The following CEP85L variants were observed in gnomAD, a reference collection of about 807,000 sequenced individuals.
CEP85L encodes centrosomal protein of 85 kDa-like.
Under a neutral mutation model 100.3 loss-of-function variants are expected in CEP85L, and 60 were observed. That is an observed-to-expected ratio of 0.60 (90% confidence interval 0.49 to 0.74). CEP85L has a LOEUF of 0.74. Among genes scored for constraint, CEP85L ranks in the 30% least tolerant of loss-of-function variants. CEP85L has a pLI of 0.00. For synonymous variants in CEP85L, 319 were observed against 322.7 expected (o/e 0.99, Z 0.12); for missense variants, 973 against 936.2 (o/e 1.04, Z -0.51).
chr6:118,592,597 C>T (rs890763849), intron 2 of CEP85L, among the ~76,000 whole-genome samples: 2 of 152,008 alleles, frequency 1.3e-5, no homozygotes, highest in Non-Finnish European at 2.9e-5. Context: ...AATGAATTGA[C>T]TGTTAATAAA....
intron 1 of CEP85L, among the ~76,000 whole-genome samples, chr6:118,690,434 G>A (rs62423994): frequency 0.22 from 33,856 of 151,968 alleles, 4,836 homozygotes; most frequent in Non-Finnish European, 0.32. Flanking sequence ...CTCCCTGGCC[G>A]GACTCTGAAT....
At chr6:118,655,669 A>G (rs1775763239), upstream of CEP85L, among the ~76,000 whole-genome samples, 2 of 152,218 alleles carry the variant, frequency 1.3e-5, no homozygotes, top group South Asian at 4.1e-4. Context: ...CCTGGTGGGG[A>G]AGAGGACTGT....
At chr6:118,580,850 C>T (rs1335969310) in intron 2 of CEP85L, among the ~76,000 whole-genome samples, 4 of 152,122 alleles carry the variant, frequency 2.6e-5, no homozygotes, top group African/African-American at 7.2e-5. Flanking sequence ...ATTTAGTAAC[C>T]GGGAGTTTAA....
rs751698371 is a variant in CEP85L at position 118,709,556 on chromosome 6, T to TGTGTGTGTGTGTGTGTGTGTGTGA, written c.-28+479_-28+480insTCACACACACACACACACACACAC. ...GCGTGTGTGTGTGTGTGTGTGTGTG[T>TGTGTGTGTGTGTGTGTGTGTGTGA]GAGAGAGAGAGAGAGAGAGAGAGAG... On this transcript the variant is annotated intron_variant, in intron 1 of 13. Coordinates refer to the CEP85L transcript ENST00000368488. 3.2e-3 allele frequency among the ~76,000 whole-genome samples: 460 copies of TGTGTGTGTGTGTGTGTGTGTGTGA among 142,258 alleles called. 12 individuals are homozygous for TGTGTGTGTGTGTGTGTGTGTGTGA. The highest frequency in any genetic ancestry group is 0.012 in the African/African-American group (419 of 35,524). The allele number at this position is 142,258 out of a possible 152,430, so 93.3% of individuals were successfully genotyped here.
intron 1 of CEP85L, among the ~76,000 whole-genome samples, chr6:118,688,081 G>T (rs986613966): frequency 3.3e-5 from 5 of 152,014 alleles, no homozygotes; most frequent in Admixed American, 1.3e-4. Context: ...TCTTGGAAGC[G>T]GCCCGTCGCC....
chr6:118,635,811 C>T (rs1292129137), intron 1 of CEP85L, among the ~76,000 whole-genome samples: 3 of 152,106 alleles, frequency 2.0e-5, no homozygotes, highest in Non-Finnish European at 4.4e-5. Flanking sequence ...GATTAAAAGG[C>T]AATAATCATT....
intron 4 of CEP85L, among the ~76,000 whole-genome samples, chr6:118,513,943 T>C (rs1022099632): frequency 5.9e-5 from 9 of 152,180 alleles, no homozygotes; most frequent in South Asian, 2.1e-4. Flanking sequence ...TATATCCACG[T>C]TGTATAACCT....
chr6:118,478,870 T>C (rs566268758), intron 10 of CEP85L, among the ~76,000 whole-genome samples: 2 of 152,300 alleles, frequency 1.3e-5, no homozygotes, highest in East Asian at 1.9e-4. Context: ...TGCTAATATA[T>C]ACTGAACACC....
At chr6:118,502,586 T>TG (rs1775377927) in intron 5 of CEP85L, 1 of 477,538 alleles carries the variant, frequency 2.1e-6, no homozygotes, top group South Asian at 2.0e-5. Context: ...GCGCTCCGGT[T>TG]GAAGTTTTTG....
At chr6:118,606,238 C>A (rs1772210738) in intron 2 of CEP85L, among the ~76,000 whole-genome samples, 1 of 152,170 alleles carries the variant, frequency 6.6e-6, no homozygotes, top group Non-Finnish European at 1.5e-5. Context: ...TATTACCTGA[C>A]TTTAGCCTTC....
intron 2 of CEP85L, among the ~76,000 whole-genome samples, chr6:118,580,071 G>T (rs1240567141): frequency 6.6e-6 from 1 of 152,116 alleles, no homozygotes; most frequent in Non-Finnish European, 1.5e-5. Flanking sequence ...CCAATCCCCT[G>T]GACTCTATGC....
At chr6:118,491,196 T>TAC (rs1160030823) in intron 6 of CEP85L, among the ~76,000 whole-genome samples, 5,391 of 116,208 alleles carry the variant, frequency 0.046, 113 homozygotes, top group African/African-American at 0.054. Flanking sequence ...CCAACATCTA[T>TAC]ACACACACAC....
chr6:118,559,008 G>A, intron 3 of CEP85L: 1 of 1,610,204 alleles, frequency 6.2e-7, no homozygotes, highest in Non-Finnish European at 8.5e-7. Context: ...AAAAGCTACA[G>A]AATCTATTTA....
intron 1 of CEP85L, among the ~76,000 whole-genome samples, chr6:118,646,732 T>G (rs1432680392): frequency 1.3e-5 from 2 of 152,222 alleles, no homozygotes; most frequent in Non-Finnish European, 2.9e-5. Flanking sequence ...AATGCAAAAT[T>G]TATGTAATTA....
chr6:118,668,927 C>T (rs1301495401), intron 1 of CEP85L, among the ~76,000 whole-genome samples: 1 of 152,182 alleles, frequency 6.6e-6, no homozygotes, highest in African/African-American at 2.4e-5. Flanking sequence ...GCCCTACATT[C>T]CTCCAAGATA....
At chr6:118,670,047 C>G (rs1187918747) in intron 1 of CEP85L, among the ~76,000 whole-genome samples, 1 of 151,342 alleles carries the variant, frequency 6.6e-6, no homozygotes, top group African/African-American at 2.4e-5. Context: ...GAATTATTCC[C>G]AATTCTTCCC....
intron 1 of CEP85L, among the ~76,000 whole-genome samples, chr6:118,645,787 G>A (rs1414802793): frequency 1.3e-5 from 2 of 152,102 alleles, no homozygotes; most frequent in African/African-American, 4.8e-5. Flanking sequence ...TATCCCCAGA[G>A]GCTTATACAA....
At chr6:118,629,476 C>T (rs1248105065) in intron 2 of CEP85L, among the ~76,000 whole-genome samples, 1 of 152,076 alleles carries the variant, frequency 6.6e-6, no homozygotes, top group Non-Finnish European at 1.5e-5. Context: ...ATTAAAACAA[C>T]AAAATACTAC....
At chr6:118,539,698 A>G (rs985302445) in intron 3 of CEP85L, among the ~76,000 whole-genome samples, 9 of 151,996 alleles carry the variant, frequency 5.9e-5, no homozygotes, top group African/African-American at 2.2e-4. Flanking sequence ...TCAACCCATC[A>G]CCTAGGTATT....
Sources: gnomAD v4.1 joint callset for allele counts (sites outside exome capture counted in the v4.1 genomes callset) on GRCh38, gnomAD v4.1.1 for gene constraint, MANE v1.5 for transcripts, NCBI Gene and HGNC (gene_info 2026-07-23, HGNC 2026-07-21) for gene names.